PAG1: variants seen among roughly 807,000 people sequenced by gnomAD.
The protein encoded by PAG1 is phosphoprotein membrane anchor with glycosphingolipid microdomains 1, also known as phosphoprotein associated with glycosphingolipid-enriched microdomains 1.
A neutral mutation model predicts 31.7 loss-of-function variants in PAG1; 23 were observed. That is an observed-to-expected ratio of 0.73 (90% CI 0.52 to 1.03). PAG1 has a LOEUF of 1.03. PAG1 is among the 50% of genes least tolerant of loss of function. The pLI is 0.00. For synonymous variants in PAG1, 214 were observed against 210.3 expected (o/e 1.02, Z -0.15); for missense variants, 473 against 540.7 (o/e 0.87, Z 1.24).
intron 1 of PAG1, among the ~76,000 whole-genome samples, chr8:81,081,403 A>G (rs1809264407): frequency 6.6e-6 from 1 of 152,148 alleles, no homozygotes; most frequent in South Asian, 2.1e-4. Flanking sequence ...GCAGTTACTT[A>G]TAATAAAGAG....
At chr8:80,984,658 T>C in intron 7 of PAG1, 118 bp downstream of exon 7, 1 of 941,618 alleles carries the variant, frequency 1.1e-6, no homozygotes, top group South Asian at 1.7e-5. Flanking sequence ...AAAACAGCTC[T>C]CATCATTCAA....
chr8:81,083,058 G>A (rs1243152781), intron 1 of PAG1, among the ~76,000 whole-genome samples: 1 of 151,694 alleles, frequency 6.6e-6, no homozygotes, highest in Admixed American at 6.6e-5. Context: ...GCCTTCCTCT[G>A]TTACCACTCC....
chr8:81,038,630 C>T lies in PAG1; in HGVS notation c.-174-8541G>A, dbSNP rs149295165. ...GAAGTGTCTTCCTTGCTCCTTCACA[C>T]TCTATATATGTAATGAGTACATATA... On this transcript the variant is annotated intron_variant, in intron 2 of 8. Coordinates refer to ENST00000220597, the MANE Select transcript of PAG1 (RefSeq NM_018440.4). 1.7e-3 allele frequency among the ~76,000 whole-genome samples: 252 copies of T among 152,152 alleles called. 1 individual carries two copies. Among genetic ancestry groups the T allele is most frequent in the African/African-American group, 5.7e-3 (237 of 41,490 alleles).
Position 80,987,374 on chromosome 8 carries a change from C to G in PAG1, c.270G>C (p.Gly90=). Residue 90 remains glycine (G), a synonymous_variant, in exon 6 of 9, where the codon GGG becomes GGC. Coordinates refer to ENST00000220597, the MANE Select transcript of PAG1 (RefSeq NM_018440.4). ...TGGTGTTTTTGCAGAACTTACTGTCCCCATTGGTGAGTGCCCCATTCTGCT... is the reference window on the plus strand; with the variant it reads ...TGGTGTTTTTGCAGAACTTACTGTCGCCATTGGTGAGTGCCCCATTCTGCT... ...SSEQNGALTN[G]DILSEDSTLT... is the part of the protein sequence containing the mutation. 1 of 1,605,246 alleles carries G rather than the reference C, an allele frequency of 6.2e-7. No individual in the cohort carries two copies. The highest frequency in any genetic ancestry group is 8.5e-7 in the Non-Finnish European group (1 of 1,171,992).
intron 3 of PAG1, among the ~76,000 whole-genome samples, chr8:81,010,719 C>G (rs1807966488): frequency 6.6e-6 from 1 of 152,254 alleles, no homozygotes; most frequent in Non-Finnish European, 1.5e-5. Context: ...TAAACGGACA[C>G]AGTACACTTT....
Position 81,009,441 on chromosome 8 carries a change from C to T in PAG1, c.-80-16134G>A, listed in dbSNP as rs78185479. On this transcript the variant is annotated intron_variant, in intron 3 of 8. Transcript: ENST00000220597. ...GGAAGTCAGAAAGGAAAAGACTTTC[C>T]CATCAAACTAACCTTAGGGACCATA... Among the ~76,000 whole-genome samples, 1,047 of 152,124 alleles carry T rather than the reference C, an allele frequency of 6.9e-3. 9 individuals are homozygous for T. Among genetic ancestry groups the T allele is most frequent in the African/African-American group, 0.024 (1,005 of 41,492 alleles).
chr8:80,993,972 A>C (rs1367562114), intron 3 of PAG1, among the ~76,000 whole-genome samples: 1 of 152,046 alleles, frequency 6.6e-6, no homozygotes, highest in Non-Finnish European at 1.5e-5. Context: ...ATGCTCATTT[A>C]GGTTCATTAA....
intron 3 of PAG1, 76 bp downstream of exon 3, chr8:81,029,919 TA>T (rs973071175): frequency 6.6e-6 from 1 of 152,238 alleles, no homozygotes; most frequent in African/African-American, 2.4e-5. Context: ...ACTAAACAAT[TA>T]AACCTTTGTG....
In PAG1 at chr8:80,975,272, A is replaced by G. The variant is rs6994411; in HGVS notation, c.*1272T>C. On this transcript the variant is annotated 3_prime_UTR_variant, in exon 9 of 9. Transcript: ENST00000220597. ...TCAGGAGCTCCAAGTACCATTTAAAAAGGTGAGTCTTTAAAAACCATCAGT... is the reference window on the plus strand; with the variant it reads ...TCAGGAGCTCCAAGTACCATTTAAAGAGGTGAGTCTTTAAAAACCATCAGT... 1 of 152,230 alleles carries G rather than the reference A, an allele frequency of 6.6e-6. No homozygotes were observed. Among genetic ancestry groups the G allele is most frequent in the Non-Finnish European group, 1.5e-5 (1 of 68,042 alleles). The allele number at this position is 152,230 out of a possible 1,614,324, so 9.4% of individuals were successfully genotyped here.
chr8:80,974,152 G>GTTTTTTTTTTTTTTT lies in PAG1; in HGVS notation c.*2377_*2391dup, dbSNP rs554932519. 5 of 115,376 alleles carry GTTTTTTTTTTTTTTT rather than the reference G, an allele frequency of 4.3e-5. No individual in the cohort carries two copies. The highest frequency in any genetic ancestry group is 1.9e-4 in the Admixed American group (2 of 10,538). The allele number at this position is 115,376 out of a possible 1,614,324, so 7.1% of individuals were successfully genotyped here. ...ATTATTTATGAGCTTTCTATAAAAA[G>GTTTTTTTTTTTTTTT]TTTTTTTTTTTTTTTTTTTTTTACT... On this transcript the variant is annotated 3_prime_UTR_variant, in exon 9 of 9. Transcript: ENST00000220597.
At chr8:80,981,994 T>C (rs1807316146) in intron 7 of PAG1, among the ~76,000 whole-genome samples, 1 of 150,878 alleles carries the variant, frequency 6.6e-6, no homozygotes, top group Non-Finnish European at 1.5e-5. Context: ...GCCTCCCAAG[T>C]AGCTGGGACT....
chr8:81,100,406 A>G (rs1169760561), intron 1 of PAG1, among the ~76,000 whole-genome samples: 5 of 152,254 alleles, frequency 3.3e-5, no homozygotes, highest in Non-Finnish European at 7.3e-5. Flanking sequence ...GGGTTTCTCA[A>G]GCTTAGCACT....
intron 3 of PAG1, among the ~76,000 whole-genome samples, chr8:81,023,266 T>C (rs1410348776): frequency 6.6e-6 from 1 of 152,176 alleles, no homozygotes; most frequent in Non-Finnish European, 1.5e-5. Context: ...TGTAATGAAA[T>C]GCATGACTTG....
Position 81,111,678 on chromosome 8 carries a change from C to T in PAG1, c.-321G>A, listed in dbSNP as rs1809776950. 1 of 152,420 alleles carries T rather than the reference C, an allele frequency of 6.6e-6. No individual in the cohort carries two copies. Among genetic ancestry groups the T allele is most frequent in the Non-Finnish European group, 1.5e-5 (1 of 68,216 alleles). 9.4% of individuals were successfully genotyped at this position (152,420 alleles called of 1,614,324 possible). Reference sequence around the variant, plus strand: ...CCGGCGCGCAGCGCCGCCGCCCCGGCACAGCCCGGCAGCAGCGGCAAGTGC... The same window carrying T: ...CCGGCGCGCAGCGCCGCCGCCCCGGTACAGCCCGGCAGCAGCGGCAAGTGC... On this transcript the variant is annotated 5_prime_UTR_variant, in exon 1 of 9. Transcript: ENST00000220597.
At chr8:81,104,386 CTT>C (rs34291180) in intron 1 of PAG1, among the ~76,000 whole-genome samples, 4,591 of 138,186 alleles carry the variant, frequency 0.033, 204 homozygotes, top group African/African-American at 0.1. Context: ...GGCCTTCGTC[CTT>C]TTTTTTTTTT....
At chr8:81,037,279 T>C (rs573475163) in intron 2 of PAG1, 1 of 152,326 alleles carries the variant, frequency 6.6e-6, no homozygotes, top group East Asian at 1.9e-4. Flanking sequence ...GTAAGACAGA[T>C]ACAGTTATAA....
chr8:80,997,401 G>A (rs1769017910), intron 3 of PAG1, among the ~76,000 whole-genome samples: 1 of 152,142 alleles, frequency 6.6e-6, no homozygotes, highest in African/African-American at 2.4e-5. Context: ...CTCTTGAGTA[G>A]CTGGGAACAC....
intron 2 of PAG1, among the ~76,000 whole-genome samples, chr8:81,032,124 A>G (rs188627188): frequency 6.6e-6 from 1 of 152,340 alleles, no homozygotes; most frequent in East Asian, 1.9e-4. Flanking sequence ...TTAGAAAAAA[A>G]ACCAAAGGGC....
chr8:80,979,204 T>A (rs942643236), intron 8 of PAG1, among the ~76,000 whole-genome samples: 1 of 152,224 alleles, frequency 6.6e-6, no homozygotes, highest in Admixed American at 6.5e-5. Flanking sequence ...AGGAGCAATT[T>A]AAAATTTTAC....
Sources: gnomAD v4.1 joint callset for allele counts (sites outside exome capture counted in the v4.1 genomes callset) on GRCh38, gnomAD v4.1.1 for gene constraint, MANE v1.5 for transcripts, NCBI Gene and HGNC (gene_info 2026-07-23, HGNC 2026-07-21) for gene names.